ATXN1: variants seen among roughly 807,000 people sequenced by gnomAD.
ATXN1 encodes the protein ataxin 1.
Under a neutral mutation model 56.4 loss-of-function variants are expected in ATXN1, and 8 were observed. That is an observed-to-expected ratio of 0.14 (90% CI 0.08 to 0.26). ATXN1 has a LOEUF of 0.26. Among genes scored for constraint, ATXN1 ranks in the 10% least tolerant of loss-of-function variants. The probability of loss-of-function intolerance (pLI) is 1.00; values close to 1 mark genes in which losing one functional copy is unlikely to be tolerated. For synonymous variants in ATXN1, 514 were observed against 494.6 expected (o/e 1.04, Z -0.52); for missense variants, 987 against 1,106.5 (o/e 0.89, Z 1.53).
In ATXN1 at chr6:16,457,454, C is replaced by T. The variant is rs554306624; in HGVS notation, c.-161+28518G>A. On this transcript the variant is annotated intron_variant, in intron 6 of 7. Transcript: ENST00000436367. ...AAACACCCAGGCATCAACAAGCTCA[C>T]CCTTGAAACGCATCCTAAGCCATTG... 1.1e-4 allele frequency among the ~76,000 whole-genome samples: 17 copies of T among 151,888 alleles called. No homozygotes were observed. The South Asian group carries it at 3.3e-3, about 30-fold the overall frequency.
intron 6 of ATXN1, among the ~76,000 whole-genome samples, chr6:16,455,550 C>G (rs1759849163): frequency 6.6e-6 from 1 of 151,744 alleles, no homozygotes; most frequent in African/African-American, 2.4e-5. Context: ...TGCAATGTGG[C>G]AAGCATGCTC....
At chr6:16,631,921 G>A (rs547378584) in intron 3 of ATXN1, among the ~76,000 whole-genome samples, 2 of 152,298 alleles carry the variant, frequency 1.3e-5, no homozygotes, top group African/African-American at 4.8e-5. Flanking sequence ...GGCATGTGAT[G>A]TTAGAGCTGG....
chr6:16,371,309 T>TA (rs1391472941), intron 6 of ATXN1, among the ~76,000 whole-genome samples: 1 of 148,616 alleles, frequency 6.7e-6, no homozygotes, highest in Non-Finnish European at 1.5e-5. Context: ...ATTATGTAGT[T>TA]ACAATTTTTT....
chr6:16,616,732 C>T (rs1387183361), intron 3 of ATXN1, among the ~76,000 whole-genome samples: 1 of 148,290 alleles, frequency 6.7e-6, no homozygotes, highest in Non-Finnish European at 1.5e-5. Context: ...CCCCTCCACA[C>T]ACACTTACAT....
chr6:16,352,336 C>T (rs1761587029), intron 6 of ATXN1, among the ~76,000 whole-genome samples: 1 of 152,124 alleles, frequency 6.6e-6, no homozygotes, highest in South Asian at 2.1e-4. Flanking sequence ...AAGGGACCAG[C>T]CAGGGAGTCT....
intron 6 of ATXN1, among the ~76,000 whole-genome samples, chr6:16,348,091 C>T (rs1253760465): frequency 3.9e-5 from 6 of 152,176 alleles, no homozygotes; most frequent in Non-Finnish European, 8.8e-5. Context: ...TTCTTGAAGT[C>T]AGTGAGACCA....
intron 1 of ATXN1, chr6:16,754,633 T>C (rs1216312815): frequency 6.6e-6 from 1 of 152,234 alleles, no homozygotes; most frequent in Non-Finnish European, 1.5e-5. Flanking sequence ...AGCCAAAATG[T>C]TCTTACTTCT....
intron 6 of ATXN1, among the ~76,000 whole-genome samples, chr6:16,411,292 T>C (rs1420082674): frequency 6.6e-6 from 1 of 152,106 alleles, no homozygotes; most frequent in Non-Finnish European, 1.5e-5. Context: ...TAATTTTATG[T>C]CTTATTGACT....
chr6:16,664,157 C>T (rs1758379315), intron 2 of ATXN1, among the ~76,000 whole-genome samples: 1 of 152,076 alleles, frequency 6.6e-6, no homozygotes, highest in South Asian at 2.1e-4. Context: ...ACACATGGAG[C>T]AGATGCTACT....
At chr6:16,356,377 CA>C (rs1470087222) in intron 6 of ATXN1, among the ~76,000 whole-genome samples, 1 of 152,120 alleles carries the variant, frequency 6.6e-6, no homozygotes, top group African/African-American at 2.4e-5. Flanking sequence ...AGTTTCAAAG[CA>C]AAGAAGAAAT....
At chr6:16,643,663 G>A (rs1235935154) in intron 3 of ATXN1, among the ~76,000 whole-genome samples, 3 of 147,288 alleles carry the variant, frequency 2.0e-5, no homozygotes, top group Middle Eastern at 3.3e-3. Context: ...AGAGAAGAAC[G>A]CAGGACTATG....
rs536890647 is a variant in ATXN1 at position 16,708,285 on chromosome 6, C to A, written c.-615+44948G>T. Among the ~76,000 whole-genome samples, 4 of 152,122 alleles carry A rather than the reference C, an allele frequency of 2.6e-5. No individual in the cohort carries two copies. The South Asian group carries it at 8.3e-4, about 32-fold the overall frequency. ...TTTATAATCGTCAACATACATGCAT[C>A]TAACAAAATGGCACAGAGATATTTA... On this transcript the variant is annotated intron_variant, in intron 2 of 7. Transcript: ENST00000436367.
At chr6:16,519,906 G>A (rs1761254324) in intron 5 of ATXN1, among the ~76,000 whole-genome samples, 1 of 152,124 alleles carries the variant, frequency 6.6e-6, no homozygotes, top group Admixed American at 6.5e-5. Flanking sequence ...CACATTCTCC[G>A]CATATCACAG....
intron 2 of ATXN1, among the ~76,000 whole-genome samples, chr6:16,703,945 G>C (rs1042324616): frequency 1.3e-5 from 2 of 152,324 alleles, no homozygotes; most frequent in Admixed American, 6.5e-5. Flanking sequence ...CTTGAACCTG[G>C]GGGGTGGAGG....
chr6:16,494,365 G>C (rs1445803081), intron 5 of ATXN1, among the ~76,000 whole-genome samples: 4 of 152,188 alleles, frequency 2.6e-5, no homozygotes, highest in Non-Finnish European at 1.5e-5. Context: ...CATGCACTCA[G>C]AATATTCTCT....
chr6:16,538,199 G>C (rs940757689), intron 4 of ATXN1, among the ~76,000 whole-genome samples: 1 of 152,200 alleles, frequency 6.6e-6, no homozygotes, highest in East Asian at 1.9e-4. Flanking sequence ...TAAGTGTTAA[G>C]GGCACCGGGG....
At chr6:16,722,689 A>T (rs1759768408) in intron 2 of ATXN1, among the ~76,000 whole-genome samples, 1 of 152,264 alleles carries the variant, frequency 6.6e-6, no homozygotes, top group African/African-American at 2.4e-5. Context: ...TCTCTGAGTC[A>T]TGATAGTAAT....
intron 6 of ATXN1, among the ~76,000 whole-genome samples, chr6:16,377,980 G>A (rs929712321): frequency 6.6e-6 from 1 of 152,196 alleles, no homozygotes; most frequent in African/African-American, 2.4e-5. Context: ...GGAAACTAGA[G>A]CTCTAAGCGC....
intron 2 of ATXN1, among the ~76,000 whole-genome samples, chr6:16,692,644 C>T (rs1044391460): frequency 7.1e-6 from 1 of 140,776 alleles, no homozygotes; most frequent in East Asian, 2.2e-4. Context: ...AGACCACTAC[C>T]GCCACCACCA....
Sources: allele counts gnomAD v4.1 joint callset (sites outside exome capture counted in the v4.1 genomes callset), GRCh38; gene constraint gnomAD v4.1.1; transcripts MANE v1.5; gene names NCBI Gene and HGNC (gene_info 2026-07-23, HGNC 2026-07-21).